The following EXOC3L4 variants were observed in gnomAD, a reference collection of about 807,000 sequenced individuals.
EXOC3L4 encodes the protein exocyst complex component 3-like protein 4.
EXOC3L4 carries 62 observed loss-of-function variants against 69.7 expected under a neutral mutation model. The ratio of observed to expected loss-of-function variants is 0.89; its 90% CI spans 0.72 to 1.10. The LOEUF (loss-of-function observed/expected upper bound fraction) is 1.10, where lower values mean the gene tolerates loss of function less well. EXOC3L4 is among the 50% of genes least tolerant of loss of function. The probability of loss-of-function intolerance (pLI) is 0.00; values close to 1 mark genes in which losing one functional copy is unlikely to be tolerated. For missense variants in EXOC3L4, 1,087 were observed against 1,034.8 expected (o/e 1.05, Z -0.69); for synonymous variants, 502 against 464.2 (o/e 1.08, Z -1.05).
At position 103,103,354 on chromosome 14, in the gene EXOC3L4, C is replaced by CAA. The variant is rs3070496; in HGVS notation, c.1050-571_1050-570dup. ...TGGGCGACAGAGCAAGACTCTGTCT[C>CAA]AAAAAAAAAAAAAAAAAGAAAGAAA... On this transcript the variant is annotated intron_variant, in intron 3 of 11. Coordinates refer to ENST00000688303, the MANE Select transcript of EXOC3L4 (RefSeq NM_001077594.2). Among the ~76,000 whole-genome samples the CAA allele has an allele frequency of 9.1e-4, 86 of 94,882 alleles. 2 individuals are homozygous for CAA. The highest frequency in any genetic ancestry group is 5.3e-3 in the East Asian group (16 of 3,042). The allele number at this position is 94,882 out of a possible 152,430, so 62.2% of individuals were successfully genotyped here.
intron 8 of EXOC3L4, among the ~76,000 whole-genome samples, chr14:103,107,200 C>T (rs1046988663): frequency 1.3e-5 from 2 of 152,168 alleles, no homozygotes; most frequent in Non-Finnish European, 2.9e-5. Flanking sequence ...CCAGGGCATG[C>T]CCTGAGCAGA....
intron 11 of EXOC3L4, among the ~76,000 whole-genome samples, 175 bp from the exon 12 acceptor site, chr14:103,109,856 C>T (rs1205519074): frequency 2.0e-5 from 3 of 151,428 alleles, no homozygotes; most frequent in Non-Finnish European, 4.4e-5. Context: ...CAGGCCCACG[C>T]CCTGCCCCCT....
intron 2 of EXOC3L4, among the ~76,000 whole-genome samples, chr14:103,100,953 A>G (rs11624282): frequency 0.23 from 33,139 of 145,866 alleles, 3,872 homozygotes; most frequent in South Asian, 0.27. Flanking sequence ...CCCAGGCTGG[A>G]GTGCAGTGAC....
Position 103,097,482 on chromosome 14 carries a change from G to A in EXOC3L4, c.-17+2642G>A, listed in dbSNP as rs1435827814. On this transcript the variant is annotated intron_variant, in intron 1 of 11. Transcript: ENST00000688303. This position sits in a 1 kb window ranked among gnomAD's most constrained non-coding sequence, Gnocchi z 4.9. ...CGAGAGCCTTGGGAGGTGGAGGGGG[G>A]AGTTGAGAGGGGCCTTCAGGTCTCA... is the stretch of plus-strand genomic sequence containing the variant. Among the ~76,000 whole-genome samples, 2 of 152,146 alleles carry A rather than the reference G, an allele frequency of 1.3e-5. No homozygotes were observed. The highest frequency in any genetic ancestry group is 2.9e-5 in the Non-Finnish European group (2 of 67,994).
rs1167393403 is a variant in EXOC3L4, at chr14:103,104,062, G to C, written c.1161+10G>C. 1.3e-6 allele frequency: 2 copies of C among 1,547,622 alleles called. No individual in the cohort carries two copies. Among genetic ancestry groups the C allele is most frequent in the Admixed American group, 3.8e-5 (2 of 52,492 alleles). On this transcript the variant is annotated intron_variant, in intron 4 of 11. Transcript: ENST00000688303. ...CACCAGCTTCCTGGAGGTCAGGCCG[G>C]GCGGGTCAGGCTGGGCGGGCCAGGC...
intron 3 of EXOC3L4, chr14:103,103,668 G>T: frequency 2.3e-6 from 1 of 438,700 alleles, no homozygotes; most frequent in Non-Finnish European, 4.1e-6. Context: ...CGATTCCTGA[G>T]CTGTGTTTGA....
chr14:103,103,996 C>T lies in EXOC3L4; in HGVS notation c.1105C>T (p.Leu369Phe). Residue 369 changes from leucine (L) to phenylalanine (F), a missense_variant, in exon 4 of 12, where the codon CTC becomes TTC. By Grantham distance (22) the Leu-to-Phe change is conservative (BLOSUM62 0). Coordinates refer to ENST00000688303, the MANE Select transcript of EXOC3L4 (RefSeq NM_001077594.2). The part of the protein sequence containing the change: ...LALPAEPLPP[L>F]LAPDVWARLE... ...GCTGCCCGCCGAGCCGCTGCCTCCG[C>T]TCCTGGCGCCGGACGTGTGGGCCCG... The T allele has an allele frequency of 6.3e-7, 1 of 1,575,640 alleles. No homozygotes were observed. The highest frequency in any genetic ancestry group is 8.6e-7 in the Non-Finnish European group (1 of 1,166,164).
intron 3 of EXOC3L4, among the ~76,000 whole-genome samples, chr14:103,103,287 G>A (rs1337558157): frequency 6.7e-6 from 1 of 148,210 alleles, no homozygotes; most frequent in African/African-American, 2.5e-5. Context: ...CCCGGGAGGC[G>A]GAGGTTGCAG....
At chr14:103,109,857 C>T (rs1352628375) in intron 11 of EXOC3L4, among the ~76,000 whole-genome samples, 174 bp from the exon 12 acceptor site, 1 of 151,298 alleles carries the variant, frequency 6.6e-6, no homozygotes, top group Non-Finnish European at 1.5e-5. Context: ...AGGCCCACGC[C>T]CTGCCCCCTC....
At chr14:103,095,256 G>A (rs1311076079) in intron 1 of EXOC3L4, among the ~76,000 whole-genome samples, 3 of 152,222 alleles carry the variant, frequency 2.0e-5, no homozygotes, top group Non-Finnish European at 2.9e-5. Context: ...TGGTTTCCCC[G>A]GGAAAGTGCC....
chr14:103,103,295 C>T, intron 3 of EXOC3L4, among the ~76,000 whole-genome samples: 1 of 142,766 alleles, frequency 7.0e-6, no homozygotes, highest in Non-Finnish European at 1.5e-5. Context: ...GCGGAGGTTG[C>T]AGTGAGCCGA....
At chr14:103,104,703 T>G (rs1890433200) in intron 5 of EXOC3L4, 35 bp from the exon 6 acceptor site, 3 of 1,445,482 alleles carry the variant, frequency 2.1e-6, no homozygotes, top group Non-Finnish European at 2.7e-6. Flanking sequence ...GGTCGGGGGC[T>G]GGGAGGCACG....
intron 2 of EXOC3L4, 100 bp from the exon 3 acceptor site, chr14:103,102,018 C>A: frequency 7.8e-7 from 1 of 1,283,430 alleles, no homozygotes; most frequent in South Asian, 1.5e-5. Flanking sequence ...AGAGGACAGA[C>A]AATCCAGCCC....
At chr14:103,096,662 A>G (rs1889901588) in intron 1 of EXOC3L4, among the ~76,000 whole-genome samples, 1 of 152,212 alleles carries the variant, frequency 6.6e-6, no homozygotes, top group Admixed American at 6.5e-5. Context: ...ATGTTTAAAG[A>G]TGGATGCAGT....
At position 103,104,316 on chromosome 14, in the gene EXOC3L4, A is replaced by G. The variant is rs1280303616; in HGVS notation, c.1211A>G (p.His404Arg). 1 of 1,594,612 alleles carries G rather than the reference A, an allele frequency of 6.3e-7. No homozygotes were observed. Among genetic ancestry groups the G allele is most frequent in the Admixed American group, 1.7e-5 (1 of 58,330 alleles). The change falls in exon 5 of 12, where the codon CAC becomes CGC. Residue 404 changes from histidine to arginine, a missense_variant. Coordinates refer to ENST00000688303, the MANE Select transcript of EXOC3L4 (RefSeq NM_001077594.2). ...FDSILQLEQS[H>R]WAAAEVPEVL... is the part of the protein sequence containing the mutation. ...AGCATCTTGCAGCTGGAGCAGAGTC[A>G]CTGGGCGGCCGCCGAGGTCCCCGAG...
chr14:103,106,106 C>T (rs568029749), intron 7 of EXOC3L4, among the ~76,000 whole-genome samples: 3 of 152,226 alleles, frequency 2.0e-5, no homozygotes, highest in East Asian at 1.9e-4. Context: ...TCATCCCAAG[C>T]GCAGTATACC....
Position 103,108,501 on chromosome 14 carries a change from A to G in EXOC3L4, c.1960A>G (p.Ser654Gly). The part of the protein sequence containing the change: ...IQRHLETLIR[S>G]YPDIRRDHIL... ...GCGGCACCTGGAGACTCTTATCCGGAGCTACCCCGACATCAGGTGTGTACC... is the reference window on the plus strand; with the variant it reads ...GCGGCACCTGGAGACTCTTATCCGGGGCTACCCCGACATCAGGTGTGTACC... The change falls in exon 11 of 12, where the codon AGC (serine) becomes GGC (glycine). Residue 654 changes from serine (S) to glycine (G), a missense_variant. Transcript: ENST00000688303. 1 of 1,613,712 alleles carries G rather than the reference A, an allele frequency of 6.2e-7. No individual in the cohort carries two copies. The highest frequency in any genetic ancestry group is 8.5e-7 in the Non-Finnish European group (1 of 1,179,760).
At position 103,105,064 on chromosome 14, in the gene EXOC3L4, GGA is replaced by G; in HGVS notation, c.1460_1461del (p.Glu487AlafsTer38). ...TGGGCGCCTACATCAACGCCTGCGA[GGA>G]GCTCAGGTAGGGCTCGCCCGCTCCT... ...HLGAYINACEELRTSLLSRFP... is the reference protein window; with the variant it reads ...HLGAYINACEXLRTSLLSRFP... On this transcript the variant is annotated frameshift_variant, in exon 7 of 12. Transcript: ENST00000688303. LOFTEE classifies it high-confidence loss of function. The G allele has an allele frequency of 6.2e-7, 1 of 1,610,366 alleles. No individual in the cohort carries two copies. Among genetic ancestry groups the G allele is most frequent in the South Asian group, 1.1e-5 (1 of 90,922 alleles).
chr14:103,104,440 C>G, intron 5 of EXOC3L4, 51 bp downstream of exon 5: 1 of 1,468,888 alleles, frequency 6.8e-7, no homozygotes, highest in Non-Finnish European at 9.0e-7. Flanking sequence ...AAGCCTCACG[C>G]ACACGGTGGC....
Sources: allele counts gnomAD v4.1 joint callset (sites outside exome capture counted in the v4.1 genomes callset), GRCh38; gene constraint gnomAD v4.1.1; non-coding constraint Gnocchi (gnomAD v3.1); transcripts MANE v1.5; gene names NCBI Gene and HGNC (gene_info 2026-07-23, HGNC 2026-07-21).